Variants in CUEDC1 observed in about 807,000 individuals in gnomAD.
CUEDC1 encodes the protein CUE domain-containing protein 1.
CUEDC1 carries 30 observed loss-of-function variants against 43.7 expected under a neutral mutation model. The ratio of observed to expected loss-of-function variants is 0.69; its 90% CI spans 0.51 to 0.93. CUEDC1 has a LOEUF of 0.93. CUEDC1 is among the 40% of genes least tolerant of loss of function. The pLI is 0.00. For missense variants in CUEDC1, 486 were observed against 549.0 expected (o/e 0.89, Z 1.15); for synonymous variants, 223 against 223.6 (o/e 1.00, Z 0.02).
chr17:57,916,604 AAGAC>A (rs1212637318), intron 1 of CUEDC1, among the ~76,000 whole-genome samples: 1 of 152,198 alleles, frequency 6.6e-6, no homozygotes, highest in African/African-American at 2.4e-5. Context: ...CCCTGACAGG[AAGAC>A]AGCGGAAGGA....
chr17:57,880,293 C>T (rs769879955), intron 2 of CUEDC1, among the ~76,000 whole-genome samples: 4 of 152,330 alleles, frequency 2.6e-5, no homozygotes, highest in Non-Finnish European at 5.9e-5. Context: ...TCATCTTAAC[C>T]TCGAACAACC....
chr17:57,877,372 G>A (rs1451356162), intron 3 of CUEDC1, among the ~76,000 whole-genome samples: 1 of 152,134 alleles, frequency 6.6e-6, no homozygotes, highest in Non-Finnish European at 1.5e-5. Flanking sequence ...GGTATGCCCT[G>A]TAGTCCCAGC....
intron 1 of CUEDC1, among the ~76,000 whole-genome samples, chr17:57,918,674 A>G (rs373669672): frequency 3.3e-5 from 5 of 152,220 alleles, no homozygotes; most frequent in African/African-American, 9.6e-5. Flanking sequence ...TGGTCTAACC[A>G]CAAGATCCAG....
At chr17:57,905,249 GACACACACACACAC>G (rs761744709) in intron 1 of CUEDC1, among the ~76,000 whole-genome samples, 13 of 127,926 alleles carry the variant, frequency 1.0e-4, no homozygotes, top group Admixed American at 3.2e-4. Context: ...CTCTCTCTCT[GACACACACACACAC>G]ACACACACAC....
At chr17:57,887,815 T>C (rs1456182934) in intron 1 of CUEDC1, among the ~76,000 whole-genome samples, 1 of 151,534 alleles carries the variant, frequency 6.6e-6, no homozygotes, top group Non-Finnish European at 1.5e-5. Flanking sequence ...AAGATGTTTT[T>C]GTGAGTACAT....
At chr17:57,882,130 C>A (rs1347716779) in intron 2 of CUEDC1, among the ~76,000 whole-genome samples, 2 of 152,224 alleles carry the variant, frequency 1.3e-5, no homozygotes, top group Non-Finnish European at 2.9e-5. Flanking sequence ...GGAGATACTT[C>A]TCCATGGCAA....
chr17:57,947,559 G>A (rs1415809544), intron 1 of CUEDC1, among the ~76,000 whole-genome samples: 1 of 152,186 alleles, frequency 6.6e-6, no homozygotes. Context: ...AGTACTTTGG[G>A]AGGCTAAGGC....
At chr17:57,919,267 C>A (rs960974920) in intron 1 of CUEDC1, among the ~76,000 whole-genome samples, 2 of 152,062 alleles carry the variant, frequency 1.3e-5, no homozygotes, top group Non-Finnish European at 2.9e-5. Context: ...GCAACCTCCG[C>A]CTCCCGGGTT....
intron 9 of CUEDC1, 163 bp downstream of exon 9, chr17:57,867,194 C>T: frequency 3.0e-6 from 2 of 674,324 alleles, no homozygotes; most frequent in South Asian, 1.7e-5. Context: ...GAAGCAATGT[C>T]GACCAAGTCA....
rs374641282 is a variant in CUEDC1, at chr17:57,879,626, G to T, written c.449C>A (p.Pro150Gln). The T allele has an allele frequency of 3.8e-6, 6 of 1,592,708 alleles. No individual in the cohort carries two copies. In the Middle Eastern group the frequency reaches 5.0e-4, roughly 133 times the overall value. Residue 150 changes from proline to glutamine, a missense_variant, in exon 3 of 11, where the codon CCG becomes CAG. Physicochemically the swap from Pro to Gln is moderately conservative, Grantham distance 76. Coordinates refer to ENST00000577830, the MANE Select transcript of CUEDC1 (RefSeq NM_001271875.2). ...VFDRPYPLAP[P>Q]TPPPRIDALG... ...AGATTCTCACCGGGGAGGCGGAGTC[G>T]GGGGAGCCAGAGGGTAGGGCCGGTC...
rs1446866032 is a variant in CUEDC1 at position 57,955,045 on chromosome 17, C to G, written c.-316+180G>C. 6.6e-6 allele frequency among the ~76,000 whole-genome samples: 1 copy of G among 151,154 alleles called. No homozygotes were observed. Among genetic ancestry groups the G allele is most frequent in the Non-Finnish European group, 1.5e-5 (1 of 67,666 alleles). On this transcript the variant is annotated intron_variant, in intron 1 of 10. Coordinates refer to ENST00000577830, the MANE Select transcript of CUEDC1 (RefSeq NM_001271875.2). The surrounding 1 kb of genome is among the most constrained non-coding windows in gnomAD (Gnocchi z 5.3). ...TGCCGCACGCGGAGCTCCCGGGGAGCCGCGCCGACAGCCCCGGGAATCAAA... is the reference window on the plus strand; with the variant it reads ...TGCCGCACGCGGAGCTCCCGGGGAGGCGCGCCGACAGCCCCGGGAATCAAA...
intron 2 of CUEDC1, among the ~76,000 whole-genome samples, chr17:57,881,806 G>A (rs2074208864): frequency 6.6e-6 from 1 of 152,194 alleles, no homozygotes; most frequent in Non-Finnish European, 1.5e-5. Context: ...CCTCTGTGCA[G>A]CCTCCCAGGG....
chr17:57,943,453 G>A (rs887614357), intron 1 of CUEDC1, among the ~76,000 whole-genome samples: 5 of 152,072 alleles, frequency 3.3e-5, no homozygotes, highest in African/African-American at 9.7e-5. Flanking sequence ...CATAAGCCAC[G>A]CTGTGGCTCA....
chr17:57,940,279 C>T (rs961004758), intron 1 of CUEDC1, among the ~76,000 whole-genome samples: 2 of 151,248 alleles, frequency 1.3e-5, no homozygotes, highest in Non-Finnish European at 2.9e-5. Flanking sequence ...AATGGTGGCA[C>T]AGTAAGCGAT....
chr17:57,933,161 C>T (rs190620547), intron 1 of CUEDC1, among the ~76,000 whole-genome samples: 1 of 152,016 alleles, frequency 6.6e-6, no homozygotes, highest in East Asian at 1.9e-4. Flanking sequence ...CTGCCTGGGC[C>T]CCACCCAGCA....
At chr17:57,950,497 G>C (rs1338540639) in intron 1 of CUEDC1, among the ~76,000 whole-genome samples, 1 of 148,020 alleles carries the variant, frequency 6.8e-6, no homozygotes, top group African/African-American at 2.5e-5. Context: ...TTTTGAGACA[G>C]AGTCTCGCTC....
chr17:57,888,697 C>G (rs895948114), intron 1 of CUEDC1, among the ~76,000 whole-genome samples: 3 of 152,276 alleles, frequency 2.0e-5, no homozygotes, highest in Non-Finnish European at 4.4e-5. Flanking sequence ...GACCTGCCCT[C>G]AAGCCTCTAA....
intron 3 of CUEDC1, among the ~76,000 whole-genome samples, chr17:57,875,384 C>G (rs922810199): frequency 1.3e-5 from 2 of 152,152 alleles, no homozygotes; most frequent in Admixed American, 1.3e-4. Context: ...GTGGAGGAGG[C>G]CCCTGTTCTC....
At chr17:57,919,131 G>A (rs943144772) in intron 1 of CUEDC1, among the ~76,000 whole-genome samples, 10 of 152,056 alleles carry the variant, frequency 6.6e-5, no homozygotes, top group African/African-American at 2.2e-4. Flanking sequence ...GAGATTACAG[G>A]TGTGAGCCCC....
Sources: gnomAD v4.1 joint callset for allele counts (sites outside exome capture counted in the v4.1 genomes callset) on GRCh38, gnomAD v4.1.1 for gene constraint, Gnocchi (gnomAD v3.1) non-coding constraint, MANE v1.5 for transcripts, NCBI Gene and HGNC (gene_info 2026-07-23, HGNC 2026-07-21) for gene names.